The following CTNND2 variants were observed in gnomAD, a reference collection of about 807,000 sequenced individuals.
CTNND2 encodes catenin delta 2, also known as catenin delta-2.
In CTNND2, 22 loss-of-function variants were observed where a neutral mutation model predicts 144.4. The observed-to-expected ratio is 0.15, with a 90% CI of 0.11 to 0.22. CTNND2 has a LOEUF of 0.22. Ranked by LOEUF, CTNND2 falls within the 10% of genes least tolerant of loss-of-function variation. The pLI is 1.00. For synonymous variants in CTNND2, 751 were observed against 695.6 expected (o/e 1.08, Z -1.25); for missense variants, 1,353 against 1,618.8 (o/e 0.84, Z 2.82).
intron 11 of CTNND2, among the ~76,000 whole-genome samples, chr5:11,166,439 C>T (rs1050683008): frequency 4.0e-5 from 6 of 151,630 alleles, no homozygotes; most frequent in South Asian, 2.1e-4. Context: ...TTAGTAGAGA[C>T]GGGGTTTCAC....
intron 10 of CTNND2, among the ~76,000 whole-genome samples, chr5:11,208,518 C>T (rs1460375137): frequency 1.3e-5 from 2 of 152,132 alleles, no homozygotes; most frequent in East Asian, 1.9e-4. Flanking sequence ...AAAAGATACA[C>T]ATGTTTACAA....
chr5:11,807,631 A>C (rs1386300208), intron 1 of CTNND2, among the ~76,000 whole-genome samples: 1 of 152,298 alleles, frequency 6.6e-6, no homozygotes, highest in East Asian at 1.9e-4. Context: ...ATACAACCTT[A>C]GAATTGTGAA....
At chr5:11,496,895 GC>G (rs5865947) in intron 3 of CTNND2, among the ~76,000 whole-genome samples, 6,432 of 152,194 alleles carry the variant, frequency 0.042, 464 homozygotes, top group African/African-American at 0.15. Context: ...GTGGGACTGG[GC>G]CCCACACCTG....
chr5:11,659,204 T>A (rs1226684813), intron 2 of CTNND2, among the ~76,000 whole-genome samples: 1 of 152,128 alleles, frequency 6.6e-6, no homozygotes, highest in South Asian at 2.1e-4. Flanking sequence ...TTCATAGTAT[T>A]TACATTGTAT....
At chr5:10,985,510 T>A (rs980018543) in intron 20 of CTNND2, among the ~76,000 whole-genome samples, 2 of 152,190 alleles carry the variant, frequency 1.3e-5, no homozygotes, top group Non-Finnish European at 2.9e-5. Context: ...GCAGAAGAGA[T>A]GACAGCTCCA....
At chr5:11,886,776 C>T (rs539340112) in intron 1 of CTNND2, among the ~76,000 whole-genome samples, 10 of 152,166 alleles carry the variant, frequency 6.6e-5, no homozygotes, top group East Asian at 5.8e-4. Flanking sequence ...AGAGTAATTA[C>T]ACATTTTTGG....
At position 11,892,166 on chromosome 5, in the gene CTNND2, T is replaced by C. The variant is rs539898006; in HGVS notation, c.37+11651A>G. On this transcript the variant is annotated intron_variant, in intron 1 of 21. Coordinates refer to ENST00000304623, the MANE Select transcript of CTNND2 (RefSeq NM_001332.4). Reference sequence around the variant, plus strand: ...GCCCAGAATGCACATGCAGCTTAGCTTGTCGATGATGGTGAACTTTTCCAC... The same window carrying C: ...GCCCAGAATGCACATGCAGCTTAGCCTGTCGATGATGGTGAACTTTTCCAC... Among the ~76,000 whole-genome samples, 22 of 152,370 alleles carry C rather than the reference T, an allele frequency of 1.4e-4. No homozygotes were observed. In the South Asian group the frequency reaches 4.4e-3, roughly 30 times the overall value.
chr5:11,080,096 AATAT>A (rs1749391129), intron 16 of CTNND2, among the ~76,000 whole-genome samples: 1 of 152,220 alleles, frequency 6.6e-6, no homozygotes. Flanking sequence ...TGATATCAAA[AATAT>A]ATAAAGAATT....
chr5:11,617,953 G>A (rs1440820321), intron 2 of CTNND2, among the ~76,000 whole-genome samples: 1 of 152,166 alleles, frequency 6.6e-6, no homozygotes, highest in Non-Finnish European at 1.5e-5. Context: ...GTAATAGATG[G>A]TACACTGATG....
chr5:11,253,446 G>A (rs1743876484), intron 9 of CTNND2, among the ~76,000 whole-genome samples: 1 of 152,144 alleles, frequency 6.6e-6, no homozygotes, highest in African/African-American at 2.4e-5. Context: ...TTTCATGCTA[G>A]TGAATAAGTC....
At chr5:11,762,850 T>C (rs1161643711) in intron 1 of CTNND2, among the ~76,000 whole-genome samples, 2 of 152,218 alleles carry the variant, frequency 1.3e-5, no homozygotes, top group Non-Finnish European at 2.9e-5. Flanking sequence ...GAATGATAAT[T>C]CACCAACTGA....
At chr5:11,840,623 T>A (rs989659723) in intron 1 of CTNND2, among the ~76,000 whole-genome samples, 9 of 152,318 alleles carry the variant, frequency 5.9e-5, no homozygotes, top group Admixed American at 5.9e-4. Flanking sequence ...AAATAACTCG[T>A]ATCACTTCAT....
chr5:11,268,444 G>A (rs1280689509), intron 9 of CTNND2, among the ~76,000 whole-genome samples: 1 of 151,974 alleles, frequency 6.6e-6, no homozygotes, highest in Non-Finnish European at 1.5e-5. Flanking sequence ...AATTAGCTGG[G>A]CGTGGTGGCA....
intron 5 of CTNND2, among the ~76,000 whole-genome samples, chr5:11,399,087 G>T (rs1428473288): frequency 4.6e-5 from 7 of 152,224 alleles, no homozygotes; most frequent in Admixed American, 4.6e-4. Flanking sequence ...TTAATGGTGG[G>T]AGTGAGCTAT....
chr5:11,525,239 A>G (rs560975866), intron 3 of CTNND2, among the ~76,000 whole-genome samples: 1 of 152,242 alleles, frequency 6.6e-6, no homozygotes, highest in Non-Finnish European at 1.5e-5. Flanking sequence ...AACTCACAGC[A>G]CTTAGAGCAC....
At chr5:11,619,878 C>A (rs539742650) in intron 2 of CTNND2, among the ~76,000 whole-genome samples, 56 of 151,036 alleles carry the variant, frequency 3.7e-4, no homozygotes, top group African/African-American at 1.3e-3. Context: ...GTATTTAAAT[C>A]ACTCACAGAA....
intron 2 of CTNND2, among the ~76,000 whole-genome samples, chr5:11,673,411 G>A (rs562561199): frequency 2.0e-5 from 3 of 152,068 alleles, no homozygotes; most frequent in Non-Finnish European, 2.9e-5. Flanking sequence ...ATTTTTGTGG[G>A]TTTTGTGGTC....
chr5:11,155,625 C>A (rs573825704), intron 12 of CTNND2, among the ~76,000 whole-genome samples: 61 of 152,126 alleles, frequency 4.0e-4, no homozygotes, highest in African/African-American at 1.4e-3. Flanking sequence ...ACAGCTCTAA[C>A]CCCCGCAACC....
intron 3 of CTNND2, among the ~76,000 whole-genome samples, chr5:11,460,882 C>G (rs191493715): frequency 6.6e-6 from 1 of 152,100 alleles, no homozygotes; most frequent in East Asian, 1.9e-4. Context: ...AAACCAGTCT[C>G]TACTAAAAAT....
Sources: gnomAD v4.1 joint callset for allele counts (sites outside exome capture counted in the v4.1 genomes callset) on GRCh38, gnomAD v4.1.1 for gene constraint, MANE v1.5 for transcripts, NCBI Gene and HGNC (gene_info 2026-07-23, HGNC 2026-07-21) for gene names.